Variants in ZNRF3 observed in about 807,000 individuals in gnomAD.
The protein encoded by ZNRF3 is E3 ubiquitin-protein ligase ZNRF3.
ZNRF3 carries 23 observed loss-of-function variants against 72.5 expected under a neutral mutation model. The observed-to-expected ratio is 0.32, with a 90% CI of 0.23 to 0.45. The LOEUF is 0.45. Among genes scored for constraint, ZNRF3 ranks in the 20% least tolerant of loss-of-function variants. The pLI is 1.00. For missense variants in ZNRF3, 1,169 were observed against 1,272.1 expected (o/e 0.92, Z 1.23); for synonymous variants, 610 against 545.3 (o/e 1.12, Z -1.65).
chr22:28,963,635 G>C (rs532606647), intron 1 of ZNRF3, among the ~76,000 whole-genome samples: 1 of 152,300 alleles, frequency 6.6e-6, no homozygotes, highest in East Asian at 1.9e-4. Flanking sequence ...GTTTTGGGAG[G>C]ATTAATGACA....
chr22:28,949,104 T>C (rs995982890), intron 1 of ZNRF3, among the ~76,000 whole-genome samples: 11 of 151,700 alleles, frequency 7.3e-5, no homozygotes, highest in Non-Finnish European at 1.2e-4. Flanking sequence ...CTCACCCTCA[T>C]GAGTAGCTGG....
intron 1 of ZNRF3, among the ~76,000 whole-genome samples, chr22:28,923,917 C>T (rs186395410): frequency 2.6e-5 from 4 of 152,274 alleles, no homozygotes; most frequent in East Asian, 1.9e-4. Flanking sequence ...ACCGAGCGGG[C>T]GAGGCCATGG....
Position 28,959,772 on chromosome 22 carries a change from T to C in ZNRF3, c.301-27304T>C, listed in dbSNP as rs146421085. Among the ~76,000 whole-genome samples the C allele has an allele frequency of 9.2e-4, 140 of 152,340 alleles. 1 individual carries two copies. The South Asian group carries it at 0.022, about 24-fold the overall frequency. ...AGAGGGTGGGACCTTCACAGTGGGC[T>C]TAGTGCCCTTATAAAAAGGGACACC... On this transcript the variant is annotated intron_variant, in intron 1 of 8. Transcript: ENST00000544604.
chr22:28,898,937 T>G (rs1198692308), intron 1 of ZNRF3, among the ~76,000 whole-genome samples: 6 of 148,852 alleles, frequency 4.0e-5, no homozygotes, highest in African/African-American at 1.3e-4. Context: ...TTTTTTTTTT[T>G]TTTTTTTTTT....
At chr22:28,984,807 G>C (rs1245670807) in intron 1 of ZNRF3, among the ~76,000 whole-genome samples, 1 of 152,228 alleles carries the variant, frequency 6.6e-6, no homozygotes, top group Non-Finnish European at 1.5e-5. Context: ...GAACATTCTA[G>C]AGTGGGCTGA....
chr22:28,978,151 A>G (rs2035706822), intron 1 of ZNRF3, among the ~76,000 whole-genome samples: 1 of 152,190 alleles, frequency 6.6e-6, no homozygotes, highest in Non-Finnish European at 1.5e-5. Flanking sequence ...ATGGCCAGGT[A>G]TATGCATTGC....
intron 2 of ZNRF3, among the ~76,000 whole-genome samples, chr22:29,012,138 G>C (rs966527138): frequency 2.0e-5 from 3 of 152,234 alleles, no homozygotes; most frequent in African/African-American, 7.2e-5. Context: ...TCCGTGCTTA[G>C]AGTGCAAGTG....
Position 29,055,455 on chromosome 22 carries a change from A to G in ZNRF3, c.*1833A>G, listed in dbSNP as rs1191854293. On this transcript the variant is annotated 3_prime_UTR_variant, in exon 9 of 9. Transcript: ENST00000544604. ...AGAATGTTTTTCTTAACCTCAGCGT[A>G]TGATGAGGAAATTTACTTATCTCTA... The G allele has an allele frequency of 6.6e-6, 1 of 152,272 alleles. No homozygotes were observed. 9.4% of individuals were successfully genotyped at this position (152,272 alleles called of 1,614,324 possible).
chr22:28,998,020 C>T lies in ZNRF3; in HGVS notation c.426+10819C>T, dbSNP rs1223777435. Among the ~76,000 whole-genome samples the T allele has an allele frequency of 2.7e-5, 4 of 150,118 alleles. No individual in the cohort carries two copies. In the East Asian group the frequency reaches 7.8e-4, roughly 29 times the overall value. On this transcript the variant is annotated intron_variant, in intron 2 of 8. Transcript: ENST00000544604. ...AAAAAAAAAAAAAAAAAAGTATGAC[C>T]CAGGCACGGTGGCTCACGCCTGTAA...
chr22:28,973,123 C>T (rs775186901), intron 1 of ZNRF3, among the ~76,000 whole-genome samples: 4 of 152,196 alleles, frequency 2.6e-5, no homozygotes, highest in Admixed American at 6.5e-5. Context: ...GGATTACAGG[C>T]GTGTACCACC....
intron 1 of ZNRF3, among the ~76,000 whole-genome samples, chr22:28,930,842 C>G (rs921369748): frequency 1.3e-5 from 2 of 152,222 alleles, no homozygotes; most frequent in Admixed American, 6.5e-5. Flanking sequence ...AAATTTATAC[C>G]CACTCTTGCA....
At chr22:28,982,245 T>A (rs1569269771) in intron 1 of ZNRF3, among the ~76,000 whole-genome samples, 1 of 152,166 alleles carries the variant, frequency 6.6e-6, no homozygotes, top group Non-Finnish European at 1.5e-5. Context: ...TTAGTCACTA[T>A]ATCATCTGAT....
At chr22:28,963,568 C>A (rs1171875745) in intron 1 of ZNRF3, among the ~76,000 whole-genome samples, 1 of 152,168 alleles carries the variant, frequency 6.6e-6, no homozygotes, top group African/African-American at 2.4e-5. Context: ...CATAAGGGCC[C>A]CATTCTCTCT....
chr22:29,036,812 AG>A (rs1293453830), intron 2 of ZNRF3, among the ~76,000 whole-genome samples: 7 of 152,226 alleles, frequency 4.6e-5, no homozygotes, highest in Non-Finnish European at 1.0e-4. Context: ...TATAGTGTGT[AG>A]GAAAAAAAAA....
At chr22:28,904,698 T>G (rs1601541394) in intron 1 of ZNRF3, among the ~76,000 whole-genome samples, 2 of 152,300 alleles carry the variant, frequency 1.3e-5, no homozygotes, top group East Asian at 3.9e-4. Context: ...CCTTTGCAGC[T>G]TTGGCGAAGG....
chr22:28,950,333 TG>T (rs1336625291), intron 1 of ZNRF3, among the ~76,000 whole-genome samples: 1 of 152,150 alleles, frequency 6.6e-6, no homozygotes, highest in Non-Finnish European at 1.5e-5. Flanking sequence ...TTAATGGAAA[TG>T]GGGATAAAAT....
At chr22:28,927,695 G>C (rs1310426230) in intron 1 of ZNRF3, among the ~76,000 whole-genome samples, 1 of 152,174 alleles carries the variant, frequency 6.6e-6, no homozygotes, top group East Asian at 1.9e-4. Context: ...CTGATTCTTA[G>C]AACAGACTAG....
At chr22:28,884,944 C>T (rs2033749364) in intron 1 of ZNRF3, among the ~76,000 whole-genome samples, 1 of 152,116 alleles carries the variant, frequency 6.6e-6, no homozygotes, top group Admixed American at 6.5e-5. Context: ...CTTCCTTGGC[C>T]GTGATTTTAT....
chr22:28,908,238 A>C (rs1219008752), intron 1 of ZNRF3, among the ~76,000 whole-genome samples: 3 of 152,238 alleles, frequency 2.0e-5, no homozygotes, highest in Admixed American at 6.5e-5. Context: ...AGTCATCTCC[A>C]TAAGGTGATT....
Sources: allele counts gnomAD v4.1 joint callset (sites outside exome capture counted in the v4.1 genomes callset), GRCh38; gene constraint gnomAD v4.1.1; transcripts MANE v1.5; gene names NCBI Gene and HGNC (gene_info 2026-07-23, HGNC 2026-07-21).